TTC7A: variants seen among roughly 807,000 people sequenced by gnomAD.
TTC7A encodes tetratricopeptide repeat protein 7A.
Under a neutral mutation model 103.7 loss-of-function variants are expected in TTC7A, and 110 were observed. The ratio of observed to expected loss-of-function variants is 1.06; its 90% CI spans 0.91 to 1.24. TTC7A has a LOEUF of 1.24. Among genes scored for constraint, TTC7A ranks in the 50% most tolerant of loss-of-function variants. The pLI is 0.00. For synonymous variants in TTC7A, 521 were observed against 467.9 expected (o/e 1.11, Z -1.47); for missense variants, 1,340 against 1,116.3 (o/e 1.20, Z -2.86).
intron 2 of TTC7A, among the ~76,000 whole-genome samples, chr2:46,935,446 A>C (rs1457702012): frequency 6.6e-6 from 1 of 152,108 alleles, no homozygotes; most frequent in African/African-American, 2.4e-5. Flanking sequence ...AGACCCCAAC[A>C]CTTCATAACT....
intron 19 of TTC7A, among the ~76,000 whole-genome samples, chr2:47,061,762 G>C (rs903977172): frequency 6.6e-6 from 1 of 152,190 alleles, no homozygotes; most frequent in Non-Finnish European, 1.5e-5. Context: ...TGATATACTA[G>C]ACCCTATAGA....
chr2:47,033,519 A>C (rs568992411), intron 15 of TTC7A, among the ~76,000 whole-genome samples: 1 of 152,292 alleles, frequency 6.6e-6, no homozygotes, highest in East Asian at 1.9e-4. Context: ...TGGTGGGGGA[A>C]TGGACCCCTG....
intron 19 of TTC7A, among the ~76,000 whole-genome samples, chr2:47,063,299 A>C (rs1398870154): frequency 6.6e-6 from 1 of 152,224 alleles, no homozygotes; most frequent in Non-Finnish European, 1.5e-5. Context: ...TGCATGTGAA[A>C]GTGTAAATAT....
chr2:46,990,654 T>A (rs781439050), intron 5 of TTC7A, among the ~76,000 whole-genome samples: 11 of 152,224 alleles, frequency 7.2e-5, no homozygotes, highest in Non-Finnish European at 1.3e-4. Flanking sequence ...GTCATCTTCC[T>A]AACAGGACTA....
upstream of TTC7A, among the ~76,000 whole-genome samples, chr2:46,937,858 C>A (rs914359888): frequency 1.3e-5 from 2 of 152,186 alleles, no homozygotes; most frequent in South Asian, 2.1e-4. This position sits in a 1 kb window ranked among gnomAD's most constrained non-coding sequence, Gnocchi z 4.0. Flanking sequence ...GCAAAATGTG[C>A]TGTAATTAGT....
chr2:46,937,583 T>C (rs1254229941), upstream of TTC7A, among the ~76,000 whole-genome samples: 2 of 152,156 alleles, frequency 1.3e-5, no homozygotes, highest in Non-Finnish European at 2.9e-5. The surrounding 1 kb of genome is among the most constrained non-coding windows in gnomAD (Gnocchi z 4.0). Context: ...AAAGTCAGAA[T>C]GGAAAACCCC....
At chr2:46,942,531 G>A (rs1302479889) in intron 1 of TTC7A, among the ~76,000 whole-genome samples, 1 of 152,186 alleles carries the variant, frequency 6.6e-6, no homozygotes, top group East Asian at 1.9e-4. Context: ...CTCTGAGAGG[G>A]ACAGATCGTG....
chr2:46,948,699 A>G (rs1049113685), intron 1 of TTC7A, among the ~76,000 whole-genome samples: 6 of 151,906 alleles, frequency 3.9e-5, no homozygotes, highest in Admixed American at 2.6e-4. Context: ...GGCTTGAGCA[A>G]TTCTTCCACC....
chr2:47,060,551 C>T (rs1175460778), intron 18 of TTC7A, among the ~76,000 whole-genome samples: 1 of 152,192 alleles, frequency 6.6e-6, no homozygotes, highest in East Asian at 1.9e-4. Flanking sequence ...GTGCCATTGA[C>T]TGGCACTTAG....
At chr2:46,970,526 G>A (rs1212590815) in intron 3 of TTC7A, among the ~76,000 whole-genome samples, 2 of 152,232 alleles carry the variant, frequency 1.3e-5, no homozygotes, top group East Asian at 3.8e-4. Context: ...GTGGCAGGAG[G>A]GAGCCCAGCC....
intron 3 of TTC7A, among the ~76,000 whole-genome samples, chr2:46,969,897 A>T (rs1439675392): frequency 6.6e-6 from 1 of 152,206 alleles, no homozygotes; most frequent in South Asian, 2.1e-4. Context: ...AAAAAGGCAC[A>T]TACTTAGGAG....
intron 19 of TTC7A, among the ~76,000 whole-genome samples, chr2:47,064,676 C>G (rs957848555): frequency 1.3e-5 from 2 of 152,112 alleles, no homozygotes; most frequent in African/African-American, 2.4e-5. Flanking sequence ...CAGGGAGTCC[C>G]AACAGTGACT....
At chr2:46,961,066 C>T (rs1183241518) in intron 3 of TTC7A, among the ~76,000 whole-genome samples, 1 of 152,254 alleles carries the variant, frequency 6.6e-6, no homozygotes, top group Non-Finnish European at 1.5e-5. Flanking sequence ...GCCCACTCCT[C>T]TCCTACCCTA....
intron 14 of TTC7A, among the ~76,000 whole-genome samples, chr2:47,028,532 C>G (rs547428506): frequency 2.6e-5 from 4 of 152,164 alleles, no homozygotes; most frequent in Admixed American, 1.3e-4. Context: ...GCAGCAAACT[C>G]AAGCCAGTGA....
At chr2:46,934,173 A>C (rs1177147764) in intron 2 of TTC7A, among the ~76,000 whole-genome samples, 1 of 152,250 alleles carries the variant, frequency 6.6e-6, no homozygotes, top group African/African-American at 2.4e-5. Flanking sequence ...TTACTATTGC[A>C]GGAAACTCTT....
At chr2:47,060,459 C>G (rs1184929913) in intron 18 of TTC7A, among the ~76,000 whole-genome samples, 2 of 152,070 alleles carry the variant, frequency 1.3e-5, no homozygotes, top group African/African-American at 4.8e-5. Flanking sequence ...AAAGGATACC[C>G]TGTCTCAAAA....
chr2:46,942,502 C>G (rs532771864), intron 1 of TTC7A, among the ~76,000 whole-genome samples: 1 of 152,200 alleles, frequency 6.6e-6, no homozygotes, highest in East Asian at 1.9e-4. Context: ...TTTTTAAAGA[C>G]TGCTCAGCCT....
At chr2:46,962,230 T>G (rs2104080938) in intron 3 of TTC7A, among the ~76,000 whole-genome samples, 1 of 152,334 alleles carries the variant, frequency 6.6e-6, no homozygotes, top group East Asian at 1.9e-4. Context: ...TTCTTCACTC[T>G]GCACAAAGCT....
rs138468458 is a variant in TTC7A, at chr2:47,074,104, C to T, written c.*181C>T. The T allele has an allele frequency of 1.8e-3, 1,065 of 603,144 alleles. 11 individuals are homozygous for T. In the African/African-American group the frequency reaches 0.018, roughly 10 times the overall value. 37.4% of individuals were successfully genotyped at this position (603,144 alleles called of 1,614,324 possible). On this transcript the variant is annotated 3_prime_UTR_variant, in exon 20 of 20. Coordinates refer to ENST00000319190, the MANE Select transcript of TTC7A (RefSeq NM_020458.4). ...GGGCCAAGAGGGCCTTCCTGGATTT[C>T]TTTGTTGGTGCCTTGGGAAACAGTC...
Sources: allele counts gnomAD v4.1 joint callset (sites outside exome capture counted in the v4.1 genomes callset), GRCh38; gene constraint gnomAD v4.1.1; non-coding constraint Gnocchi (gnomAD v3.1); transcripts MANE v1.5; gene names NCBI Gene and HGNC (gene_info 2026-07-23, HGNC 2026-07-21).